The following SMYD3 variants were observed in gnomAD, a reference collection of about 807,000 sequenced individuals.
The protein encoded by SMYD3 is SET and MYND domain containing 3.
In SMYD3, 36 loss-of-function variants were observed where a neutral mutation model predicts 57.7. That is an observed-to-expected ratio of 0.62 (90% CI 0.48 to 0.82). The LOEUF (loss-of-function observed/expected upper bound fraction) is 0.82, where lower values mean the gene tolerates loss of function less well. Among genes scored for constraint, SMYD3 ranks in the 40% least tolerant of loss-of-function variants. SMYD3 has a pLI of 0.00. For missense variants in SMYD3, 515 were observed against 538.8 expected (o/e 0.96, Z 0.44); for synonymous variants, 211 against 195.0 (o/e 1.08, Z -0.68).
chr1:246,315,860 C>T (rs972524890), intron 5 of SMYD3, among the ~76,000 whole-genome samples: 7 of 152,182 alleles, frequency 4.6e-5, no homozygotes, highest in African/African-American at 1.4e-4. Flanking sequence ...TCCCCAAACT[C>T]GCCTGCTTAC....
rs12076187 is a variant in SMYD3 at position 246,202,759 on chromosome 1, T to C, written c.531+124442A>G. 0.04 allele frequency among the ~76,000 whole-genome samples: 6,062 copies of C among 152,272 alleles called. 411 individuals are homozygous for C. Among genetic ancestry groups the C allele is most frequent in the African/African-American group, 0.14 (5,773 of 41,540 alleles). On this transcript the variant is annotated intron_variant, in intron 5 of 11. Transcript: ENST00000490107. The surrounding 1 kb of genome is among the most constrained non-coding windows in gnomAD (Gnocchi z 4.1). ...CTTATGCATAAGCCTAAAGCCTCCA[T>C]GGCTAGTGAGAGAATATGGTGATAC...
At chr1:246,439,342 A>G (rs2067429059) in intron 1 of SMYD3, among the ~76,000 whole-genome samples, 1 of 152,170 alleles carries the variant, frequency 6.6e-6, no homozygotes, top group African/African-American at 2.4e-5. Context: ...TAGTCCAACA[A>G]TTCAAGTTTC....
intron 7 of SMYD3, among the ~76,000 whole-genome samples, chr1:245,920,473 G>C (rs1438532635): frequency 6.6e-6 from 1 of 152,086 alleles, no homozygotes; most frequent in Non-Finnish European, 1.5e-5. Context: ...TCAAACCTGA[G>C]TATCTTTGTG....
chr1:246,458,604 G>A (rs1307739103), intron 1 of SMYD3, among the ~76,000 whole-genome samples: 3 of 141,712 alleles, frequency 2.1e-5, no homozygotes, highest in East Asian at 4.2e-4. Context: ...CCACCACCGC[G>A]CCTGGCTGAT....
chr1:245,853,136 C>T (rs2051059343), intron 10 of SMYD3, among the ~76,000 whole-genome samples: 1 of 152,164 alleles, frequency 6.6e-6, no homozygotes, highest in African/African-American at 2.4e-5. Context: ...AAATGGCAAA[C>T]AACATACGTG....
chr1:245,757,744 G>A (rs1308033662), intron 11 of SMYD3, among the ~76,000 whole-genome samples: 1 of 151,994 alleles, frequency 6.6e-6, no homozygotes, highest in African/African-American at 2.4e-5. Context: ...TATATGCGAG[G>A]GTTTATTTCT....
intron 8 of SMYD3, among the ~76,000 whole-genome samples, chr1:245,907,161 G>A (rs533908302): frequency 1.2e-4 from 19 of 152,152 alleles, no homozygotes; most frequent in South Asian, 6.2e-4. Context: ...AGCACAATAG[G>A]GTGACTATAG....
chr1:245,904,389 C>G (rs1247296739), intron 8 of SMYD3, among the ~76,000 whole-genome samples: 1 of 152,110 alleles, frequency 6.6e-6, no homozygotes, highest in Non-Finnish European at 1.5e-5. Context: ...TGTAAATTAC[C>G]CAGTCTCAGG....
chr1:246,506,652 C>T (rs1185718495), intron 1 of SMYD3, among the ~76,000 whole-genome samples: 2 of 152,192 alleles, frequency 1.3e-5, no homozygotes, highest in Non-Finnish European at 2.9e-5. Context: ...TCCCAGCTCC[C>T]ACCCAGCCCC....
intron 5 of SMYD3, among the ~76,000 whole-genome samples, chr1:246,186,214 A>G (rs900507097): frequency 2.6e-5 from 4 of 152,374 alleles, no homozygotes; most frequent in Non-Finnish European, 5.9e-5. Context: ...AATGAGTAAG[A>G]TGCTAAGTCT....
intron 10 of SMYD3, among the ~76,000 whole-genome samples, chr1:245,849,666 A>G (rs78835019): frequency 1.2e-4 from 13 of 105,990 alleles, no homozygotes; most frequent in Admixed American, 6.0e-4. Flanking sequence ...TATTTATTTT[A>G]TTTTGAGACA....
At chr1:246,423,834 T>C (rs1447425780) in intron 1 of SMYD3, among the ~76,000 whole-genome samples, 6 of 152,278 alleles carry the variant, frequency 3.9e-5, no homozygotes, top group African/African-American at 7.2e-5. Flanking sequence ...TAGAATCTTA[T>C]AGACCACTGT....
In SMYD3 at chr1:246,299,305, T is replaced by C. The variant is rs1300854; in HGVS notation, c.531+27896A>G. 1.8e-3 allele frequency among the ~76,000 whole-genome samples: 273 copies of C among 152,248 alleles called. 1 individual carries two copies. Among genetic ancestry groups the C allele is most frequent in the African/African-American group, 6.3e-3 (260 of 41,568 alleles). ...AAAACCACAAAGAGATACCATCTCA[T>C]AGCAGTCAGAATGGCTATTATTAAA... is the stretch of plus-strand genomic sequence containing the variant. On this transcript the variant is annotated intron_variant, in intron 5 of 11. Coordinates refer to ENST00000490107, the MANE Select transcript of SMYD3 (RefSeq NM_001167740.2).
intron 5 of SMYD3, among the ~76,000 whole-genome samples, chr1:246,297,852 C>T (rs922896494): frequency 6.6e-6 from 1 of 152,090 alleles, no homozygotes; most frequent in Non-Finnish European, 1.5e-5. Flanking sequence ...TCATCCTTGT[C>T]TCATAGGACA....
chr1:246,445,865 A>AAC lies in SMYD3; in HGVS notation c.164+61188_164+61189insGT, dbSNP rs57588151. 6.2e-3 allele frequency among the ~76,000 whole-genome samples: 939 copies of AAC among 151,766 alleles called. 15 individuals are homozygous for AAC. The highest frequency in any genetic ancestry group is 0.022 in the African/African-American group (904 of 41,268). ...TGGACATCCAAAAAGGAAAAAAAAA[A>AAC]CAAAAAAAAAACCTGGGAATAAGAG... On this transcript the variant is annotated intron_variant, in intron 1 of 11. Transcript: ENST00000490107.
At chr1:246,175,630 C>G (rs951449512) in intron 5 of SMYD3, among the ~76,000 whole-genome samples, 1 of 152,108 alleles carries the variant, frequency 6.6e-6, no homozygotes, top group African/African-American at 2.4e-5. Flanking sequence ...TGGTCATTCA[C>G]TCAATTTGGG....
chr1:246,378,066 C>T (rs2066309506), intron 1 of SMYD3, among the ~76,000 whole-genome samples: 1 of 152,188 alleles, frequency 6.6e-6, no homozygotes, highest in Non-Finnish European at 1.5e-5. Context: ...TATCAACTGC[C>T]TGTTCATAGC....
intron 5 of SMYD3, among the ~76,000 whole-genome samples, chr1:246,228,616 A>G (rs2063365591): frequency 1.3e-5 from 2 of 152,214 alleles, no homozygotes; most frequent in Admixed American, 6.5e-5. Flanking sequence ...ACTTTTTAGT[A>G]TCTATTAATA....
At chr1:246,271,539 A>G (rs1018692196) in intron 5 of SMYD3, among the ~76,000 whole-genome samples, 14 of 152,172 alleles carry the variant, frequency 9.2e-5, no homozygotes, top group Admixed American at 2.6e-4. Context: ...TCCTGGCACC[A>G]TTTGTTGAAT....
Sources: gnomAD v4.1 joint callset for allele counts (sites outside exome capture counted in the v4.1 genomes callset) on GRCh38, gnomAD v4.1.1 for gene constraint, Gnocchi (gnomAD v3.1) non-coding constraint, MANE v1.5 for transcripts, NCBI Gene and HGNC (gene_info 2026-07-23, HGNC 2026-07-21) for gene names.